Variants in DIAPH1 observed in about 807,000 individuals in gnomAD.
The protein encoded by DIAPH1 is diaphanous related formin 1.
Under a neutral mutation model 140.7 loss-of-function variants are expected in DIAPH1, and 46 were observed. That is an observed-to-expected ratio of 0.33 (90% CI 0.26 to 0.42). DIAPH1 has a LOEUF of 0.42. Ranked by LOEUF, DIAPH1 falls within the 10% of genes least tolerant of loss-of-function variation. DIAPH1 has a pLI of 1.00. For missense variants in DIAPH1, 1,310 were observed against 1,558.7 expected, an observed-to-expected ratio of 0.84 and a Z score of 2.69; for synonymous variants, 565 against 551.6, an observed-to-expected ratio of 1.02 and a Z score of -0.34.
intron 27 of DIAPH1, among the ~76,000 whole-genome samples, chr5:141,518,264 T>A (rs1471704540): frequency 2.0e-5 from 3 of 147,250 alleles, no homozygotes; most frequent in Non-Finnish European, 3.0e-5. Context: ...CCCTGAATTA[T>A]ACATTTTTAA....
At chr5:141,582,648 T>C (rs2099896945) in intron 6 of DIAPH1, among the ~76,000 whole-genome samples, 1 of 152,216 alleles carries the variant, frequency 6.6e-6, no homozygotes, top group Admixed American at 6.5e-5. Flanking sequence ...AAATGCTAAA[T>C]TCTATCAGGA....
At chr5:141,536,032 G>GTT (rs1322831262) in intron 18 of DIAPH1, 1 of 469,078 alleles carries the variant, frequency 2.1e-6, no homozygotes, top group Non-Finnish European at 4.4e-6. Context: ...GGGCACAGTG[G>GTT]CTCACACCTG....
chr5:141,562,606 C>CAAAAAAA (rs754741971), intron 18 of DIAPH1, among the ~76,000 whole-genome samples: 34 of 76,784 alleles, frequency 4.4e-4, no homozygotes, highest in Non-Finnish European at 7.6e-4. Context: ...CTTACCTATG[C>CAAAAAAA]AAAAAAAAAA....
At position 141,584,018 on chromosome 5, in the gene DIAPH1, C is replaced by G. The variant is rs546746139; in HGVS notation, c.402+106G>C. 1.1e-5 allele frequency: 8 copies of G among 720,862 alleles called. No individual in the cohort carries two copies. The South Asian group carries it at 1.3e-4, about 11-fold the overall frequency. The allele number at this position is 720,862 out of a possible 1,614,324, so 44.7% of individuals were successfully genotyped here. On this transcript the variant is annotated intron_variant, in intron 4 of 27. Coordinates refer to ENST00000389054, the MANE Select transcript of DIAPH1 (RefSeq NM_005219.5). ...AACAGGCTTATATAATGGAATGAAA[C>G]AGAATTGATGCAGACATAAAATGTT...
intron 4 of DIAPH1, 48 bp from the exon 5 acceptor site, chr5:141,583,663 AAATT>A (rs1167297078): frequency 6.2e-7 from 1 of 1,610,096 alleles, no homozygotes; most frequent in Admixed American, 1.7e-5. Flanking sequence ...ACCCAGTCAT[AAATT>A]AAGGACTAGT....
Position 141,531,468 on chromosome 5 carries a change from A to C in DIAPH1, c.2582-1771T>G, listed in dbSNP as rs190706935. Among the ~76,000 whole-genome samples, 3 of 152,068 alleles carry C rather than the reference A, an allele frequency of 2.0e-5. No homozygotes were observed. The East Asian group carries it at 5.8e-4, about 29-fold the overall frequency. ...GCTGGGACTATAGGCATGCGGCACC[A>C]CATCTGGCTAGTTTTTTATTTTAAT... On this transcript the variant is annotated intron_variant, in intron 19 of 27. Coordinates refer to ENST00000389054, the MANE Select transcript of DIAPH1 (RefSeq NM_005219.5).
intron 18 of DIAPH1, among the ~76,000 whole-genome samples, chr5:141,543,152 CAACTGA>C (rs1349743715): frequency 6.6e-6 from 1 of 151,452 alleles, no homozygotes; most frequent in East Asian, 1.9e-4. Context: ...TAATGTCCAT[CAACTGA>C]TGAATGGAAA....
rs200253759 is a variant in DIAPH1 at position 141,576,893 on chromosome 5, G to T, written c.1281-22C>A. 7.8e-5 allele frequency: 104 copies of T among 1,338,468 alleles called. No individual in the cohort carries two copies. The African/African-American group carries it at 1.0e-3, about 14-fold the overall frequency. The allele number at this position is 1,338,468 out of a possible 1,614,324, so 82.9% of individuals were successfully genotyped here. Reference sequence around the variant, plus strand: ...AGGTCTACAAGAGAATAAAAACAGGGTCATCAAAGGAAAATCAAAATATAA... The same window carrying T: ...AGGTCTACAAGAGAATAAAAACAGGTTCATCAAAGGAAAATCAAAATATAA... On this transcript the variant is annotated intron_variant, in intron 12 of 27. Transcript: ENST00000389054.
intron 18 of DIAPH1, among the ~76,000 whole-genome samples, chr5:141,542,469 T>C (rs1253726880): frequency 6.6e-6 from 1 of 151,826 alleles, no homozygotes. Flanking sequence ...TGTCTGTCAA[T>C]TAATGCATAA....
chr5:141,549,104 C>T (rs1448087035), intron 18 of DIAPH1, among the ~76,000 whole-genome samples: 1 of 151,916 alleles, frequency 6.6e-6, no homozygotes, highest in Non-Finnish European at 1.5e-5. Context: ...TATGAAAAGA[C>T]TAAAACTGTC....
In DIAPH1 at chr5:141,527,699, TAAA is replaced by T. The variant is rs79558427; in HGVS notation, c.3149-5_3149-3del. On this transcript the variant is annotated splice_polypyrimidine_tract_variant and splice_region_variant and intron_variant, in intron 23 of 27. Transcript: ENST00000389054. ...TCTTTTGCAAGTTTTCAGCAGAAAC[TAAA>T]AAAAAAAAAAAAAAAAAAAACCATA... 8.8e-3 allele frequency: 9,840 copies of T among 1,114,068 alleles called. No individual in the cohort carries two copies. Among genetic ancestry groups the T allele is most frequent in the East Asian group, 0.015 (412 of 27,012 alleles). 69.0% of individuals were successfully genotyped at this position (1,114,068 alleles called of 1,614,324 possible).
At chr5:141,524,272 A>G in intron 26 of DIAPH1, 43 bp from the exon 27 acceptor site, 1 of 1,566,544 alleles carries the variant, frequency 6.4e-7, no homozygotes, top group Non-Finnish European at 8.8e-7. Flanking sequence ...CTTCAGCCAG[A>G]GCAGCATGGC....
At chr5:141,564,573 T>C (rs970632279) in intron 18 of DIAPH1, 5 of 152,252 alleles carry the variant, frequency 3.3e-5, no homozygotes, top group African/African-American at 9.6e-5. Flanking sequence ...TTTTAAAGTT[T>C]TGCCCCAGTT....
intron 18 of DIAPH1, among the ~76,000 whole-genome samples, chr5:141,551,077 G>T (rs139828110): frequency 0.011 from 1,727 of 152,220 alleles, 25 homozygotes; most frequent in African/African-American, 0.028. Context: ...GAAGAAAGTC[G>T]GTAGATTAAA....
intron 1 of DIAPH1, among the ~76,000 whole-genome samples, chr5:141,615,016 G>A (rs2099902454): frequency 6.6e-6 from 1 of 152,162 alleles, no homozygotes; most frequent in African/African-American, 2.4e-5. Flanking sequence ...TTTTGGACAG[G>A]AGTCTACTAC....
rs1310404210 is a variant in DIAPH1, at chr5:141,529,285, A to G, written c.2677-12T>C. The G allele has an allele frequency of 6.2e-7, 1 of 1,607,638 alleles. No homozygotes were observed. The highest frequency in any genetic ancestry group is 8.5e-7 in the Non-Finnish European group (1 of 1,174,066). On this transcript the variant is annotated splice_polypyrimidine_tract_variant and intron_variant, in intron 20 of 27. Transcript: ENST00000389054. ...TGCTTAATGAGGTTCTGAAAGACAG[A>G]AGAGACATCTCAGCTGGAGGGGAAT...
chr5:141,602,084 G>C (rs1202069396), intron 1 of DIAPH1, among the ~76,000 whole-genome samples: 1 of 152,192 alleles, frequency 6.6e-6, no homozygotes, highest in African/African-American at 2.4e-5. Flanking sequence ...GCAGAACAGA[G>C]AGATAAGGGT....
chr5:141,582,582 A>G (rs915923887), intron 6 of DIAPH1, among the ~76,000 whole-genome samples: 28 of 152,206 alleles, frequency 1.8e-4, no homozygotes, highest in Non-Finnish European at 2.9e-4. Context: ...ATCCTCTTGT[A>G]ATCCAAGAAT....
chr5:141,536,062 G>GGCTGAGGTGGGCAGATCACTTGA (rs1368067122), intron 18 of DIAPH1: 1 of 464,200 alleles, frequency 2.2e-6, no homozygotes, highest in Non-Finnish European at 4.5e-6. Context: ...CACTTTGGAA[G>GGCTGAGGTGGGCAGATCACTTGA]GCTGAGGTGG....
Sources: allele counts gnomAD v4.1 joint callset (sites outside exome capture counted in the v4.1 genomes callset), GRCh38; gene constraint gnomAD v4.1.1; transcripts MANE v1.5; gene names NCBI Gene and HGNC (gene_info 2026-07-23, HGNC 2026-07-21).